The following UBR3 variants were observed in gnomAD, a reference collection of about 807,000 sequenced individuals.
UBR3 encodes the protein ubiquitin protein ligase E3 component n-recognin 3, also known as E3 ubiquitin-protein ligase UBR3.
Under a neutral mutation model 243.2 loss-of-function variants are expected in UBR3, and 85 were observed. The observed-to-expected ratio is 0.35, with a 90% CI of 0.29 to 0.42. UBR3 has a LOEUF of 0.42. Ranked by LOEUF, UBR3 falls within the 10% of genes least tolerant of loss-of-function variation. UBR3 has a pLI of 1.00. For synonymous variants in UBR3, 748 were observed against 799.8 expected, an observed-to-expected ratio of 0.94 and a Z score of 1.09; for missense variants, 1,686 against 2,300.8, an observed-to-expected ratio of 0.73 and a Z score of 5.47.
intron 31 of UBR3, among the ~76,000 whole-genome samples, chr2:170,029,912 T>A (rs1470479375): frequency 6.6e-6 from 1 of 152,134 alleles, no homozygotes; most frequent in Non-Finnish European, 1.5e-5. Flanking sequence ...ATGGAATGTT[T>A]TTATAAAGAA....
At chr2:169,982,465 A>T (rs1269017610) in intron 24 of UBR3, among the ~76,000 whole-genome samples, 1 of 152,150 alleles carries the variant, frequency 6.6e-6, no homozygotes, top group East Asian at 1.9e-4. Flanking sequence ...AACTATTTTT[A>T]ACAAATATTA....
intron 24 of UBR3, among the ~76,000 whole-genome samples, chr2:169,981,762 G>T (rs780081071): frequency 6.6e-6 from 1 of 151,920 alleles, no homozygotes; most frequent in African/African-American, 2.4e-5. Flanking sequence ...GAAACTGTGG[G>T]GGGGAGGGTA....
intron 24 of UBR3, among the ~76,000 whole-genome samples, chr2:169,971,674 C>G (rs1362302211): frequency 6.6e-6 from 1 of 152,058 alleles, no homozygotes; most frequent in African/African-American, 2.4e-5. Context: ...TGTTCTGTTC[C>G]ATTGATCTAT....
chr2:170,042,387 T>C lies in UBR3; in HGVS notation c.4660+1402T>C, dbSNP rs2090989843. Among the ~76,000 whole-genome samples the C allele has an allele frequency of 1.3e-5, 2 of 152,286 alleles. 1 individual carries two copies. The highest frequency in any genetic ancestry group is 6.8e-3 in the Middle Eastern group (2 of 294). ...TGTCAGTTGATGGACATTTGGGTTA[T>C]TACCGCCTTTTGGCTATTGTGAATA... On this transcript the variant is annotated intron_variant, in intron 32 of 38. Coordinates refer to ENST00000272793, the MANE Select transcript of UBR3 (RefSeq NM_172070.4).
intron 11 of UBR3, among the ~76,000 whole-genome samples, chr2:169,918,657 A>G (rs1333571791): frequency 6.6e-6 from 1 of 152,082 alleles, no homozygotes; most frequent in Non-Finnish European, 1.5e-5. Context: ...GCCAGATCAA[A>G]CAATCATATA....
At chr2:169,965,683 A>C (rs958056978) in intron 24 of UBR3, among the ~76,000 whole-genome samples, 1 of 152,198 alleles carries the variant, frequency 6.6e-6, no homozygotes, top group South Asian at 2.1e-4. Flanking sequence ...GGGATGATTC[A>C]CATCCTGGAC....
rs570109177 is a variant in UBR3, at chr2:169,905,389, G to A, written c.1645+96G>A. ...TAAAATACAATAGCACATCATTCAC[G>A]CTACACATGAAATAGCTCATTATTT... On this transcript the variant is annotated intron_variant, in intron 9 of 38. Coordinates refer to ENST00000272793, the MANE Select transcript of UBR3 (RefSeq NM_172070.4). 4.1e-5 allele frequency: 36 copies of A among 885,732 alleles called. No individual in the cohort carries two copies. The South Asian group carries it at 5.4e-4, about 13-fold the overall frequency. The allele number at this position is 885,732 out of a possible 1,614,324, so 54.9% of individuals were successfully genotyped here. A position where few individuals can be genotyped will look rare whatever the true frequency, so the allele number is the denominator to read the frequency against.
chr2:169,836,455 C>T (rs73022444), intron 1 of UBR3, among the ~76,000 whole-genome samples: 1 of 151,442 alleles, frequency 6.6e-6, no homozygotes, highest in Non-Finnish European at 1.5e-5. Context: ...ATGGACACCA[C>T]GAAGGGAACA....
At chr2:170,018,465 C>G (rs984558174) in intron 30 of UBR3, among the ~76,000 whole-genome samples, 1 of 152,156 alleles carries the variant, frequency 6.6e-6, no homozygotes, top group South Asian at 2.1e-4. Context: ...CAGGGAAGAT[C>G]AGGCATTCAG....
intron 1 of UBR3, among the ~76,000 whole-genome samples, chr2:169,856,232 A>G (rs1396104045): frequency 6.8e-6 from 1 of 146,198 alleles, no homozygotes; most frequent in Non-Finnish European, 1.5e-5. Context: ...CACATCCCAG[A>G]TGGGGCGGCG....
chr2:170,052,326 T>A (rs914214108), intron 32 of UBR3, among the ~76,000 whole-genome samples: 3 of 152,200 alleles, frequency 2.0e-5, no homozygotes, highest in African/African-American at 7.2e-5. Context: ...TACTGTATCA[T>A]CCAGTAGTCC....
At chr2:170,038,137 C>T (rs1404245714) in intron 31 of UBR3, among the ~76,000 whole-genome samples, 1 of 152,082 alleles carries the variant, frequency 6.6e-6, no homozygotes, top group Non-Finnish European at 1.5e-5. Context: ...GAATGCTTTT[C>T]TTTTCTATAC....
At chr2:170,055,990 T>A (rs2091323959) in intron 33 of UBR3, among the ~76,000 whole-genome samples, 1 of 147,176 alleles carries the variant, frequency 6.8e-6, no homozygotes, top group Admixed American at 7.0e-5. Context: ...TTTAAAATCC[T>A]AGTCTTTTCT....
At chr2:170,078,586 A>G (rs2091856437) in intron 36 of UBR3, among the ~76,000 whole-genome samples, 1 of 152,236 alleles carries the variant, frequency 6.6e-6, no homozygotes, top group African/African-American at 2.4e-5. Flanking sequence ...CATGAATTTC[A>G]TAATTTTTGT....
At chr2:169,948,351 T>C (rs1340817340) in intron 22 of UBR3, among the ~76,000 whole-genome samples, 1 of 152,022 alleles carries the variant, frequency 6.6e-6, no homozygotes, top group Non-Finnish European at 1.5e-5. Flanking sequence ...TTTGCTTCTA[T>C]GGCAATTAAC....
intron 4 of UBR3, 61 bp from the exon 5 acceptor site, chr2:169,878,463 AT>A: frequency 6.9e-7 from 1 of 1,445,832 alleles, no homozygotes; most frequent in Non-Finnish European, 9.5e-7. Context: ...TCTCAGAATA[AT>A]TTGAAAATAA....
chr2:169,913,760 A>G (rs1431411452), intron 10 of UBR3, among the ~76,000 whole-genome samples: 1 of 149,826 alleles, frequency 6.7e-6, no homozygotes, highest in African/African-American at 2.4e-5. Context: ...GGAATTTATA[A>G]TAAATTGGGG....
chr2:169,910,622 A>G (rs2085215446), intron 10 of UBR3, among the ~76,000 whole-genome samples: 1 of 152,130 alleles, frequency 6.6e-6, no homozygotes, highest in African/African-American at 2.4e-5. Flanking sequence ...GTAACTTCTC[A>G]GTTATAGGAG....
chr2:169,833,962 A>G (rs1435096886), intron 1 of UBR3, among the ~76,000 whole-genome samples: 1 of 151,866 alleles, frequency 6.6e-6, no homozygotes, highest in Admixed American at 6.6e-5. Context: ...TTCTTTTTGT[A>G]TTTTTTGTAG....
Sources: gnomAD v4.1 joint callset for allele counts (sites outside exome capture counted in the v4.1 genomes callset) on GRCh38, gnomAD v4.1.1 for gene constraint, MANE v1.5 for transcripts, NCBI Gene and HGNC (gene_info 2026-07-23, HGNC 2026-07-21) for gene names.